Variants in CNTNAP2 observed in about 807,000 individuals in gnomAD.
CNTNAP2 encodes the protein contactin-associated protein-like 2.
CNTNAP2 carries 98 observed loss-of-function variants against 155.2 expected under a neutral mutation model. The ratio of observed to expected loss-of-function variants is 0.63; its 90% confidence interval spans 0.54 to 0.75. The LOEUF is 0.75. CNTNAP2 is among the 30% of genes least tolerant of loss of function. CNTNAP2 has a pLI of 0.00. For synonymous variants in CNTNAP2, 651 were observed against 631.2 expected, an observed-to-expected ratio of 1.03 and a Z score of -0.47; for missense variants, 1,727 against 1,688.1, an observed-to-expected ratio of 1.02 and a Z score of -0.40.
intron 1 of CNTNAP2, chr7:146,311,625 A>AAAAAAG (rs1800823658): frequency 2.1e-4 from 30 of 145,724 alleles, no homozygotes; most frequent in African/African-American, 7.3e-4. Context: ...AAAAAAAAAA[A>AAAAAAG]AAAGAAAGAA....
chr7:147,546,294 A>G (rs914877749), intron 11 of CNTNAP2, among the ~76,000 whole-genome samples: 1 of 152,182 alleles, frequency 6.6e-6, no homozygotes, highest in Non-Finnish European at 1.5e-5. Context: ...ACACATTATC[A>G]TGTTGGTATG....
At chr7:147,910,133 A>G (rs1233174424) in intron 14 of CNTNAP2, among the ~76,000 whole-genome samples, 1 of 152,156 alleles carries the variant, frequency 6.6e-6, no homozygotes, top group Admixed American at 6.5e-5. Flanking sequence ...TCCAACACCT[A>G]ATTCTGAATA....
At chr7:146,559,374 C>T (rs1798246571) in intron 1 of CNTNAP2, among the ~76,000 whole-genome samples, 1 of 152,004 alleles carries the variant, frequency 6.6e-6, no homozygotes, top group Admixed American at 6.6e-5. Flanking sequence ...TAGAGACTAT[C>T]CTGGCTAACG....
chr7:146,702,959 A>T (rs1800901861), intron 1 of CNTNAP2, among the ~76,000 whole-genome samples: 1 of 152,154 alleles, frequency 6.6e-6, no homozygotes, highest in Admixed American at 6.6e-5. Context: ...TGTTGATCTT[A>T]TATGCATATT....
chr7:147,277,575 A>G (rs748268507), intron 8 of CNTNAP2, among the ~76,000 whole-genome samples: 34 of 151,856 alleles, frequency 2.2e-4, no homozygotes, highest in Non-Finnish European at 1.5e-5. Flanking sequence ...TCAGGTTGCT[A>G]AGTATAATAT....
At chr7:148,160,698 G>C (rs2116673421) in intron 17 of CNTNAP2, among the ~76,000 whole-genome samples, 1 of 152,272 alleles carries the variant, frequency 6.6e-6, no homozygotes, top group Middle Eastern at 3.4e-3. Flanking sequence ...CCCTGGGGCT[G>C]GGGGTCTCTG....
At chr7:147,202,340 G>A (rs1802938138) in intron 8 of CNTNAP2, among the ~76,000 whole-genome samples, 1 of 151,534 alleles carries the variant, frequency 6.6e-6, no homozygotes, top group Non-Finnish European at 1.5e-5. Context: ...TAAAGCATGA[G>A]AAAATGAAAA....
intron 12 of CNTNAP2, among the ~76,000 whole-genome samples, chr7:147,612,496 G>A (rs1301821448): frequency 3.3e-5 from 5 of 151,142 alleles, no homozygotes; most frequent in African/African-American, 1.2e-4. Context: ...TGCCTCCCAG[G>A]TCCAAGCGAT....
intron 1 of CNTNAP2, among the ~76,000 whole-genome samples, chr7:146,673,551 G>A (rs2129168530): frequency 6.6e-6 from 1 of 152,244 alleles, no homozygotes; most frequent in Non-Finnish European, 1.5e-5. Context: ...GTAACAAGTA[G>A]CCAAGTCTCA....
chr7:146,692,398 G>A (rs181890228), intron 1 of CNTNAP2, among the ~76,000 whole-genome samples: 2 of 152,232 alleles, frequency 1.3e-5, no homozygotes, highest in Non-Finnish European at 2.9e-5. Flanking sequence ...GAGTTATCCT[G>A]TTGGAAACTG....
chr7:146,929,646 A>G (rs1415049203), intron 3 of CNTNAP2, among the ~76,000 whole-genome samples: 1 of 152,202 alleles, frequency 6.6e-6, no homozygotes, highest in African/African-American at 2.4e-5. Context: ...ACTCCGAGCT[A>G]CAGGAGGAAA....
At chr7:147,547,651 A>AC (rs1455975439) in intron 11 of CNTNAP2, among the ~76,000 whole-genome samples, 6 of 144,198 alleles carry the variant, frequency 4.2e-5, no homozygotes, top group East Asian at 2.1e-4. Context: ...ACACACACAC[A>AC]ACAACAACGG....
At chr7:148,367,654 C>T (rs112462000) in intron 21 of CNTNAP2, among the ~76,000 whole-genome samples, 3 of 152,120 alleles carry the variant, frequency 2.0e-5, no homozygotes, top group African/African-American at 4.8e-5. Context: ...TCCAGAAAAC[C>T]ATATTTTCTA....
At chr7:147,426,742 T>C (rs1797383545) in intron 10 of CNTNAP2, among the ~76,000 whole-genome samples, 1 of 152,186 alleles carries the variant, frequency 6.6e-6, no homozygotes, top group African/African-American at 2.4e-5. Context: ...GGAATGAATC[T>C]GCTTTGTTTA....
chr7:146,596,673 T>C (rs1798866891), intron 1 of CNTNAP2, among the ~76,000 whole-genome samples: 1 of 138,806 alleles, frequency 7.2e-6, no homozygotes, highest in African/African-American at 2.6e-5. Context: ...GCCATGGTGG[T>C]TTTATTCATC....
At chr7:146,933,283 G>A (rs187406370) in intron 3 of CNTNAP2, among the ~76,000 whole-genome samples, 18 of 152,080 alleles carry the variant, frequency 1.2e-4, no homozygotes, top group East Asian at 5.8e-4. Flanking sequence ...AAATAATGTC[G>A]CATATCTACA....
chr7:147,657,002 A>C (rs954204699), intron 13 of CNTNAP2, among the ~76,000 whole-genome samples: 1 of 152,142 alleles, frequency 6.6e-6, no homozygotes, highest in Admixed American at 6.6e-5. Context: ...CACACTCACA[A>C]ACACACACTC....
chr7:148,270,248 G>GTACC (rs1554410110), intron 21 of CNTNAP2, among the ~76,000 whole-genome samples: 1 of 152,210 alleles, frequency 6.6e-6, no homozygotes. Context: ...AGCTAAAAGT[G>GTACC]TACCATGAGC....
rs746335569 is a variant in CNTNAP2, at chr7:147,128,781, A to G, written c.1028A>G (p.Asn343Ser). The change falls in exon 7 of 24, where the codon AAT (asparagine) becomes AGT (serine). Residue 343 changes from asparagine to serine, a missense_variant. By Grantham distance (46) the Asn-to-Ser change is conservative. Coordinates refer to ENST00000361727, the MANE Select transcript of CNTNAP2 (RefSeq NM_014141.6). ...FKGCMESINY[N>S]GVNITDLARR... ...GGCTGCATGGAAAGCATCAACTACA[A>G]TGGCGTCAACATTACTGATCTTGCC... The G allele has an allele frequency of 5.6e-6, 9 of 1,613,984 alleles. No individual in the cohort carries two copies. The highest frequency in any genetic ancestry group is 1.7e-5 in the Admixed American group (1 of 59,996).
Sources: allele counts gnomAD v4.1 joint callset (sites outside exome capture counted in the v4.1 genomes callset), GRCh38; gene constraint gnomAD v4.1.1; transcripts MANE v1.5; gene names NCBI Gene and HGNC (gene_info 2026-07-23, HGNC 2026-07-21).